Variants in TM9SF1 observed in about 807,000 individuals in gnomAD.
TM9SF1 encodes the protein MP70 protein family member.
In TM9SF1, 25 loss-of-function variants were observed where a neutral mutation model predicts 52.4. That is an observed-to-expected ratio of 0.48 (90% CI 0.35 to 0.67). The LOEUF (loss-of-function observed/expected upper bound fraction) is 0.67, where lower values mean the gene tolerates loss of function less well. Among genes scored for constraint, TM9SF1 ranks in the 30% least tolerant of loss-of-function variants. The probability of loss-of-function intolerance (pLI) is 0.01; values close to 1 mark genes in which losing one functional copy is unlikely to be tolerated. For missense variants in TM9SF1, 604 were observed against 780.3 expected (o/e 0.77, Z 2.69); for synonymous variants, 284 against 299.8 (o/e 0.95, Z 0.55).
intron 2 of TM9SF1, among the ~76,000 whole-genome samples, chr14:24,194,254 G>A (rs1031644182): frequency 6.6e-6 from 1 of 151,888 alleles, no homozygotes; most frequent in Non-Finnish European, 1.5e-5. Flanking sequence ...GGTCTGGAGT[G>A]GACTAAGGAG....
At chr14:24,193,299 AC>A (rs749447928) in intron 2 of TM9SF1, 30 bp from the exon 3 acceptor site, 1 of 1,558,740 alleles carries the variant, frequency 6.4e-7, no homozygotes, top group South Asian at 1.2e-5. Flanking sequence ...AGTTGGTCAC[AC>A]AAGATCTCCC....
At chr14:24,190,068 G>A (rs2039293705) in intron 5 of TM9SF1, 1 of 1,354,124 alleles carries the variant, frequency 7.4e-7, no homozygotes. Context: ...TCTTTGCCTG[G>A]CACAAAGAGG....
chr14:24,192,150 C>G lies in TM9SF1; in HGVS notation c.1153+21G>C, dbSNP rs2039330634. The G allele has an allele frequency of 2.5e-6, 4 of 1,612,608 alleles. No homozygotes were observed. Among genetic ancestry groups the G allele is most frequent in the Non-Finnish European group, 3.4e-6 (4 of 1,178,798 alleles). On this transcript the variant is annotated intron_variant, in intron 4 of 5. Transcript: ENST00000261789. The surrounding 1 kb of genome is among the most constrained non-coding windows in gnomAD (Gnocchi z 4.0). ...CATTCCTAAGTCCAGAAAGGCCCACCAGGGAAAGGAAAGTCCTCACCAGAG... is the reference window on the plus strand; with the variant it reads ...CATTCCTAAGTCCAGAAAGGCCCACGAGGGAAAGGAAAGTCCTCACCAGAG...
chr14:24,193,798 T>C (rs1399686373), intron 2 of TM9SF1, among the ~76,000 whole-genome samples: 1 of 151,500 alleles, frequency 6.6e-6, no homozygotes, highest in Admixed American at 6.6e-5. Flanking sequence ...CGGGCGCCTG[T>C]AGTCCCAGCT....
Position 24,192,229 on chromosome 14 carries a change from C to T in TM9SF1, c.1095G>A (p.Arg365=). 1 of 1,614,188 alleles carries T rather than the reference C, an allele frequency of 6.2e-7. No individual in the cohort carries two copies. The highest frequency in any genetic ancestry group is 8.5e-7 in the Non-Finnish European group (1 of 1,180,032). ...ACACCCAACGCTCGCCTCCAATCTG[C>T]CGGTAGAAGTGGCTGGACACGTAGC... The part of the protein sequence containing the change: ...ISGYVSSHFY[R]QIGGERWVWN... The change falls in exon 4 of 6, where the codon CGG becomes CGA. Residue 365 remains arginine, a synonymous_variant. Transcript: ENST00000261789. The surrounding 1 kb of genome is among the most constrained non-coding windows in gnomAD (Gnocchi z 4.0).
At position 24,193,174 on chromosome 14, in the gene TM9SF1, C is replaced by G; in HGVS notation, c.441G>C (p.Glu147Asp). 2 of 1,614,160 alleles carry G rather than the reference C, an allele frequency of 1.2e-6. No homozygotes were observed. The highest frequency in any genetic ancestry group is 1.3e-5 in the African/African-American group (1 of 75,036). ...PIRGFVGYME[E>D]SGFLPHSHKI... ...TGTGGCTGTGTGGCAGGAAACCACTCTCCTCCATGTAGCCCACAAAGCCCC... is the reference window on the plus strand; with the variant it reads ...TGTGGCTGTGTGGCAGGAAACCACTGTCCTCCATGTAGCCCACAAAGCCCC... The change falls in exon 3 of 6, where the codon GAG (glutamate) becomes GAC (aspartate). Residue 147 changes from glutamate (E) to aspartate (D), a missense_variant. By Grantham distance (45) the Glu-to-Asp change is conservative. Transcript: ENST00000261789.
intron 5 of TM9SF1, chr14:24,190,112 T>A: frequency 7.3e-7 from 1 of 1,363,882 alleles, no homozygotes. Context: ...TCAAATGGGC[T>A]TTAAACCCCA....
chr14:24,192,565 A>G lies in TM9SF1; in HGVS notation c.967+83T>C, dbSNP rs1158977039. 5 of 1,487,644 alleles carry G rather than the reference A, an allele frequency of 3.4e-6. No individual in the cohort carries two copies. In the Admixed American group the frequency reaches 6.6e-5, roughly 20 times the overall value. The allele number at this position is 1,487,644 out of a possible 1,614,324, so 92.2% of individuals were successfully genotyped here. ...GGTCTGCCCCTCTGGATAGAAGAGA[A>G]GATCCACAGACCTTTTCTGAACAAA... On this transcript the variant is annotated intron_variant, in intron 3 of 5. Coordinates refer to ENST00000261789, the MANE Select transcript of TM9SF1 (RefSeq NM_006405.7). This position sits in a 1 kb window ranked among gnomAD's most constrained non-coding sequence, Gnocchi z 4.0.
intron 2 of TM9SF1, 124 bp downstream of exon 2, chr14:24,194,551 T>C: frequency 1.1e-6 from 1 of 923,916 alleles, no homozygotes; most frequent in Non-Finnish European, 1.7e-6. Context: ...CCTGCCACAC[T>C]GGGTTGTATT....
At position 24,193,015 on chromosome 14, in the gene TM9SF1, A is replaced by C; in HGVS notation, c.600T>G (p.Leu200=). ...DGLRPDEFLG[L]THTYSVRWSE... is the part of the protein sequence containing the mutation. ...ACCAGCGCACGCTATAAGTGTGGGT[A>C]AGGCCTAGGAACTCGTCAGGTCGTA... is the stretch of plus-strand genomic sequence containing the variant. The change falls in exon 3 of 6, where the codon CTT becomes CTG. Residue 200 remains leucine, a synonymous_variant. Coordinates refer to ENST00000261789, the MANE Select transcript of TM9SF1 (RefSeq NM_006405.7). 1.2e-6 allele frequency: 2 copies of C among 1,614,190 alleles called. No homozygotes were observed. The highest frequency in any genetic ancestry group is 1.7e-6 in the Non-Finnish European group (2 of 1,180,022).
chr14:24,192,073 A>C lies in TM9SF1; in HGVS notation c.1153+98T>G. 1 of 1,290,360 alleles carries C rather than the reference A, an allele frequency of 7.7e-7. No homozygotes were observed. Among genetic ancestry groups the C allele is most frequent in the South Asian group, 1.3e-5 (1 of 79,582 alleles). 79.9% of individuals were successfully genotyped at this position (1,290,360 alleles called of 1,614,324 possible). A position where few individuals can be genotyped will look rare whatever the true frequency, so the allele number is the denominator to read the frequency against. On this transcript the variant is annotated intron_variant, in intron 4 of 5. Coordinates refer to ENST00000261789, the MANE Select transcript of TM9SF1 (RefSeq NM_006405.7). This position sits in a 1 kb window ranked among gnomAD's most constrained non-coding sequence, Gnocchi z 4.0. ...GTGATCCTCCGGCCTCGGTCTCCCAAAGTGCTAGGATTACAGGTGTGAGCC... is the reference window on the plus strand; with the variant it reads ...GTGATCCTCCGGCCTCGGTCTCCCACAGTGCTAGGATTACAGGTGTGAGCC...
chr14:24,189,374 GAAGA>G lies in TM9SF1; in HGVS notation c.*37_*40del. On this transcript the variant is annotated 3_prime_UTR_variant, in exon 6 of 6. Transcript: ENST00000261789. Reference sequence around the variant, plus strand: ...CTGGTAGGAGAGTTCAACAGGGCATGAAGAAAGGGAGAGAACAGCAATAGTTCTG... The same window carrying G: ...CTGGTAGGAGAGTTCAACAGGGCATGAAGGGAGAGAACAGCAATAGTTCTG... 6.4e-7 allele frequency: 1 copy of G among 1,564,510 alleles called. No homozygotes were observed. The highest frequency in any genetic ancestry group is 2.2e-5 in the East Asian group (1 of 44,478).
rs766298745 is a variant in TM9SF1, at chr14:24,193,082, T to C, written c.533A>G (p.Asn178Ser). 14 of 1,613,996 alleles carry C rather than the reference T, an allele frequency of 8.7e-6. No individual in the cohort carries two copies. The East Asian group carries it at 8.9e-5, about 10-fold the overall frequency. ...EFHGDRIIFA[N>S]VSVRDVKPHS... ...GGGCTTGACGTCCCGCACTGAAACA[T>C]TGGCAAATATAATTCGGTCTCCATG... The change falls in exon 3 of 6, where the codon AAT becomes AGT. Residue 178 changes from asparagine (N) to serine (S), a missense_variant. Transcript: ENST00000261789.
chr14:24,189,265 A>T lies in TM9SF1; in HGVS notation c.*150T>A, dbSNP rs148869951. 62 of 778,746 alleles carry T rather than the reference A, an allele frequency of 8.0e-5. No homozygotes were observed. In the East Asian group the frequency reaches 1.5e-3, roughly 19 times the overall value. 48.2% of individuals were successfully genotyped at this position (778,746 alleles called of 1,614,324 possible). ...TATGTGATAGAGATTTATAATTTCC[A>T]GGCCCTCTCTGGGGAAGGAATGCCC... On this transcript the variant is annotated 3_prime_UTR_variant, in exon 6 of 6. Transcript: ENST00000261789.
intron 4 of TM9SF1, among the ~76,000 whole-genome samples, chr14:24,191,370 G>A (rs1486459982): frequency 1.3e-5 from 2 of 152,168 alleles, no homozygotes; most frequent in African/African-American, 4.8e-5. Context: ...AATGTGATGG[G>A]ATAAAAATCA....
Position 24,192,701 on chromosome 14 carries a change from C to A in TM9SF1, c.914G>T (p.Gly305Val). Residue 305 changes from glycine (G) to valine (V), a missense_variant, in exon 3 of 6, where the codon GGT (glycine) becomes GTT (valine). Around this residue, in one of 3 missense-constraint regions of TM9SF1, gnomAD observed 450 missense variants for 560.1 expected, o/e 0.80. Transcript: ENST00000261789. This position sits in a 1 kb window ranked among gnomAD's most constrained non-coding sequence, Gnocchi z 4.0. ...TDVFRFPPYR[G>V]LLCAVLGVGA... ...CACGCCAAGCACAGCACAGAGCAGA[C>A]CACGGTATGGGGGGAAGCGGAAGAC... 1 of 1,609,038 alleles carries A rather than the reference C, an allele frequency of 6.2e-7. No individual in the cohort carries two copies.
At chr14:24,190,128 TGTC>T (rs2039294966) in intron 5 of TM9SF1, 18 of 1,368,944 alleles carry the variant, frequency 1.3e-5, no homozygotes, top group Non-Finnish European at 1.7e-5. Context: ...CCCCACATGA[TGTC>T]CATAGGCATT....
chr14:24,194,275 A>T (rs957919813), intron 2 of TM9SF1, among the ~76,000 whole-genome samples: 6 of 152,206 alleles, frequency 3.9e-5, no homozygotes, highest in Non-Finnish European at 8.8e-5. Context: ...AAGTACCAGG[A>T]TTCACTAAAG....
At position 24,190,473 on chromosome 14, in the gene TM9SF1, C is replaced by T; in HGVS notation, c.1334G>A (p.Cys445Tyr). The change falls in exon 5 of 6, where the codon TGT (cysteine) becomes TAT (tyrosine). Residue 445 changes from cysteine (C) to tyrosine (Y), a missense_variant. Around this residue, in one of 3 missense-constraint regions of TM9SF1, gnomAD observed 450 missense variants for 560.1 expected, o/e 0.80. Coordinates refer to ENST00000261789, the MANE Select transcript of TM9SF1 (RefSeq NM_006405.7). ...KNNASPFDAP[C>Y]RTKNIAREIP... ...CTCCCGGGCGATGTTCTTGGTGCGA[C>T]AGGGTGCATCAAAGGGGCTGGCGTT... is the stretch of plus-strand genomic sequence containing the variant. 3 of 1,614,130 alleles carry T rather than the reference C, an allele frequency of 1.9e-6. No homozygotes were observed. Among genetic ancestry groups the T allele is most frequent in the South Asian group, 2.2e-5 (2 of 91,078 alleles).
Sources: allele counts gnomAD v4.1 joint callset (sites outside exome capture counted in the v4.1 genomes callset), GRCh38; gene constraint gnomAD v4.1.1; regional missense constraint gnomAD v4.1.1; non-coding constraint Gnocchi (gnomAD v3.1); transcripts MANE v1.5; gene names NCBI Gene and HGNC (gene_info 2026-07-23, HGNC 2026-07-21).